The following UNC79 variants were observed in gnomAD, a reference collection of about 807,000 sequenced individuals.
The protein encoded by UNC79 is protein unc-79 homolog.
In UNC79, 37 loss-of-function variants were observed where a neutral mutation model predicts 283.1. The ratio of observed to expected loss-of-function variants is 0.13; its 90% CI spans 0.10 to 0.17. UNC79 has a LOEUF of 0.17. Among genes scored for constraint, UNC79 ranks in the 10% least tolerant of loss-of-function variants. UNC79 has a pLI of 1.00. For synonymous variants in UNC79, 1,107 were observed against 1,200.2 expected, an observed-to-expected ratio of 0.92 and a Z score of 1.61; for missense variants, 2,272 against 3,211.1, an observed-to-expected ratio of 0.71 and a Z score of 7.07.
At chr14:93,439,870 A>C (rs992029424) in intron 1 of UNC79, among the ~76,000 whole-genome samples, 1 of 152,054 alleles carries the variant, frequency 6.6e-6, no homozygotes, top group Non-Finnish European at 1.5e-5. Flanking sequence ...CTAAGTTTTC[A>C]AATTTGTTTG....
chr14:93,661,053 A>AAT (rs2071553475), intron 39 of UNC79, among the ~76,000 whole-genome samples: 1 of 152,214 alleles, frequency 6.6e-6, no homozygotes, highest in Non-Finnish European at 1.5e-5. Context: ...ACTAACACAA[A>AAT]GTGCATTCAT....
At chr14:93,370,893 A>T (rs2054429458) in intron 1 of UNC79, among the ~76,000 whole-genome samples, 1 of 152,246 alleles carries the variant, frequency 6.6e-6, no homozygotes, top group Admixed American at 6.5e-5. Context: ...CAACTACAGA[A>T]ATGTAACATA....
chr14:93,359,130 GGGTAGTTAAAAAA>G (rs2054168185), intron 1 of UNC79, among the ~76,000 whole-genome samples: 1 of 152,144 alleles, frequency 6.6e-6, no homozygotes, highest in Non-Finnish European at 1.5e-5. Context: ...GTTGTAGCTT[GGGTAGTTAAAAAA>G]GGTTCTAATA....
At chr14:93,705,187 T>C (rs1409460324) in intron 48 of UNC79, among the ~76,000 whole-genome samples, 1 of 152,024 alleles carries the variant, frequency 6.6e-6, no homozygotes, top group African/African-American at 2.4e-5. Context: ...CAGTGAGCTA[T>C]GATCCTGCCA....
At chr14:93,651,940 T>A (rs1000203712) in intron 35 of UNC79, among the ~76,000 whole-genome samples, 10 of 92,228 alleles carry the variant, frequency 1.1e-4, no homozygotes, top group South Asian at 4.0e-4. Flanking sequence ...TTTTTTTTTT[T>A]ACTAGAGGCC....
At chr14:93,603,458 A>T in intron 26 of UNC79, 40 bp downstream of exon 26, 1 of 1,598,902 alleles carries the variant, frequency 6.3e-7, no homozygotes, top group Non-Finnish European at 8.5e-7. Flanking sequence ...AATCTGTTTA[A>T]TGTCTTTCTG....
At chr14:93,597,948 G>A (rs1188100495) in intron 24 of UNC79, among the ~76,000 whole-genome samples, 3 of 152,096 alleles carry the variant, frequency 2.0e-5, no homozygotes, top group Admixed American at 6.5e-5. Flanking sequence ...TTTTTTAACT[G>A]GAAGAAATAT....
At chr14:93,646,508 C>T in intron 34 of UNC79, 100 bp from the exon 38 acceptor site, 1 of 1,123,398 alleles carries the variant, frequency 8.9e-7, no homozygotes, top group Non-Finnish European at 1.3e-6. Flanking sequence ...ACATGTCTCC[C>T]CATCTAAACT....
chr14:93,593,295 C>A (rs1320573513), intron 22 of UNC79, among the ~76,000 whole-genome samples: 2 of 152,148 alleles, frequency 1.3e-5, no homozygotes, highest in Non-Finnish European at 2.9e-5. Flanking sequence ...AGAGGCTGGG[C>A]AGGCCAAACC....
At chr14:93,488,736 T>G in intron 5 of UNC79, among the ~76,000 whole-genome samples, 1 of 152,176 alleles carries the variant, frequency 6.6e-6, no homozygotes, top group Middle Eastern at 3.2e-3. Context: ...GCAGAGTTGA[T>G]GTCTGGTGAG....
chr14:93,397,305 A>T (rs762959809), intron 1 of UNC79: 2 of 152,168 alleles, frequency 1.3e-5, no homozygotes, highest in South Asian at 2.1e-4. Flanking sequence ...TTGAATTGTC[A>T]CTTTGGAAAA....
At chr14:93,633,025 G>A (rs973809376) in intron 31 of UNC79, among the ~76,000 whole-genome samples, 2 of 152,034 alleles carry the variant, frequency 1.3e-5, no homozygotes, top group African/African-American at 4.8e-5. Context: ...GAAAACACCT[G>A]AGAATTGAAG....
At chr14:93,592,094 C>A (rs1000826950) in intron 22 of UNC79, among the ~76,000 whole-genome samples, 1 of 150,790 alleles carries the variant, frequency 6.6e-6, no homozygotes, top group Non-Finnish European at 1.5e-5. Context: ...ATAATAGATT[C>A]GTGTATAATT....
intron 26 of UNC79, among the ~76,000 whole-genome samples, chr14:93,605,812 G>C (rs182484973): frequency 6.6e-6 from 1 of 152,136 alleles, no homozygotes; most frequent in African/African-American, 2.4e-5. Context: ...CGAAGTGGGA[G>C]GGGAGAGAGA....
At chr14:93,418,366 T>C (rs1019364737) in intron 1 of UNC79, among the ~76,000 whole-genome samples, 1 of 151,732 alleles carries the variant, frequency 6.6e-6, no homozygotes, top group Non-Finnish European at 1.5e-5. Flanking sequence ...TGCTGTCTGA[T>C]CATTCCTCTG....
intron 1 of UNC79, among the ~76,000 whole-genome samples, chr14:93,338,504 A>G (rs760267816): frequency 7.2e-5 from 11 of 152,234 alleles, no homozygotes; most frequent in Non-Finnish European, 1.2e-4. Flanking sequence ...CAAGCCATAC[A>G]ATGGAAAAAG....
intron 19 of UNC79, among the ~76,000 whole-genome samples, chr14:93,581,593 A>G (rs1014140884): frequency 7.6e-5 from 11 of 145,582 alleles, no homozygotes; most frequent in East Asian, 4.1e-4. Flanking sequence ...TCCCAGGTTC[A>G]AGCGATTCTC....
intron 14 of UNC79, among the ~76,000 whole-genome samples, chr14:93,557,152 G>C (rs2062220482): frequency 6.6e-6 from 1 of 152,234 alleles, no homozygotes; most frequent in Non-Finnish European, 1.5e-5. Flanking sequence ...AGTGTGAGCA[G>C]AGAGTGTGAC....
At position 93,617,064 on chromosome 14, in the gene UNC79, T is replaced by C; in HGVS notation, c.4042-58T>C. On this transcript the variant is annotated intron_variant, in intron 27 of 48. Transcript: ENST00000555664. This position sits in a 1 kb window ranked among gnomAD's most constrained non-coding sequence, Gnocchi z 4.5. The stretch of plus-strand genomic sequence containing the variant: ...CTGGGATGGCTCAAATTTTTCCTTT[T>C]GACCTCTGAGTGTTCTTTGTAGTTT... The C allele has an allele frequency of 1.3e-6, 2 of 1,495,108 alleles. No homozygotes were observed. Among genetic ancestry groups the C allele is most frequent in the Non-Finnish European group, 1.8e-6 (2 of 1,112,050 alleles). 92.6% of individuals were successfully genotyped at this position (1,495,108 alleles called of 1,614,324 possible). A position where few individuals can be genotyped will look rare whatever the true frequency, so the allele number is the denominator to read the frequency against.
Sources: allele counts gnomAD v4.1 joint callset (sites outside exome capture counted in the v4.1 genomes callset), GRCh38; gene constraint gnomAD v4.1.1; non-coding constraint Gnocchi (gnomAD v3.1); transcripts MANE v1.5; gene names NCBI Gene and HGNC (gene_info 2026-07-23, HGNC 2026-07-21).